SAMD3: variants seen among roughly 807,000 people sequenced by gnomAD.
The protein encoded by SAMD3 is sterile alpha motif domain containing 3.
SAMD3 carries 63 observed loss-of-function variants against 58.5 expected under a neutral mutation model. The observed-to-expected ratio is 1.08, with a 90% CI of 0.88 to 1.33. SAMD3 has a LOEUF of 1.33. Among genes scored for constraint, SAMD3 ranks in the 40% most tolerant of loss-of-function variants. The pLI, the probability that SAMD3 is intolerant of heterozygous loss-of-function variation, is 0.00. For synonymous variants in SAMD3, 220 were observed against 210.3 expected (o/e 1.05, Z -0.40); for missense variants, 604 against 608.4 (o/e 0.99, Z 0.08).
At chr6:130,204,169 T>C (rs1794871396) in intron 5 of SAMD3, among the ~76,000 whole-genome samples, 1 of 152,140 alleles carries the variant, frequency 6.6e-6, no homozygotes, top group Admixed American at 6.5e-5. Context: ...AAAGTTCAGG[T>C]GAGAAGCCTT....
At chr6:130,275,067 T>C (rs1393829607) in intron 2 of SAMD3, among the ~76,000 whole-genome samples, 2 of 152,168 alleles carry the variant, frequency 1.3e-5, no homozygotes, top group East Asian at 3.9e-4. Context: ...AAATATACAT[T>C]TTGATAAGAT....
intron 7 of SAMD3, among the ~76,000 whole-genome samples, chr6:130,182,080 A>C (rs1792398198): frequency 2.0e-5 from 3 of 151,912 alleles, no homozygotes; most frequent in Admixed American, 1.3e-4. Context: ...AAAAAAAAAA[A>C]AAAAAAACCA....
intron 1 of SAMD3, among the ~76,000 whole-genome samples, chr6:130,360,182 T>A (rs528014431): frequency 2.0e-5 from 3 of 152,366 alleles, no homozygotes; most frequent in African/African-American, 7.2e-5. Context: ...ATCCCCAGTG[T>A]CAAAACTCAT....
At chr6:130,204,553 C>T (rs887075763) in intron 5 of SAMD3, among the ~76,000 whole-genome samples, 9 of 150,658 alleles carry the variant, frequency 6.0e-5, no homozygotes, top group Non-Finnish European at 5.9e-5. Context: ...GCTGAGATAG[C>T]GCCACTGCAC....
intron 8 of SAMD3, among the ~76,000 whole-genome samples, chr6:130,157,887 GATAA>G (rs1380481801): frequency 1.2e-4 from 18 of 150,980 alleles, no homozygotes; most frequent in African/African-American, 3.9e-4. Flanking sequence ...CTGAATACAA[GATAA>G]ATATTCTAAC....
chr6:130,221,102 C>T (rs924838039), intron 1 of SAMD3, among the ~76,000 whole-genome samples: 3 of 152,122 alleles, frequency 2.0e-5, no homozygotes, highest in African/African-American at 7.2e-5. Flanking sequence ...GATCTGCCCA[C>T]CTTGGCCTCC....
At chr6:130,244,476 GCC>G (rs2114899281) in intron 2 of SAMD3, among the ~76,000 whole-genome samples, 1 of 152,176 alleles carries the variant, frequency 6.6e-6, no homozygotes, top group African/African-American at 2.4e-5. Context: ...TGGTGGCCCA[GCC>G]TTGTAATCCC....
downstream of SAMD3, chr6:130,143,728 C>T (rs1487606071): frequency 1.3e-5 from 2 of 152,164 alleles, no homozygotes; most frequent in Non-Finnish European, 2.9e-5. Context: ...CATCAAGGGG[C>T]ACCTTAAACT....
intron 1 of SAMD3, among the ~76,000 whole-genome samples, chr6:130,357,118 CTTTTTTTTTTTTT>C (rs1169066063): frequency 1.1e-5 from 1 of 91,712 alleles, no homozygotes; most frequent in Non-Finnish European, 2.0e-5. Context: ...GCCATGGCAT[CTTTTTTTTTTTTT>C]TTTTTTTTTT....
At chr6:130,337,611 G>A (rs952996499) in intron 1 of SAMD3, among the ~76,000 whole-genome samples, 10 of 152,180 alleles carry the variant, frequency 6.6e-5, no homozygotes, top group Admixed American at 2.0e-4. Flanking sequence ...GGGAAGTTTG[G>A]AACTTCTTAG....
chr6:130,299,444 A>C (rs1489865081), intron 2 of SAMD3, among the ~76,000 whole-genome samples: 1 of 152,196 alleles, frequency 6.6e-6, no homozygotes, highest in Admixed American at 6.5e-5. Flanking sequence ...AACACACCAA[A>C]ATCTCTGGGA....
At chr6:130,361,117 C>T (rs12192053) in intron 1 of SAMD3, among the ~76,000 whole-genome samples, 18 of 151,766 alleles carry the variant, frequency 1.2e-4, no homozygotes, top group African/African-American at 1.7e-4. Context: ...CCTCAGCTTA[C>T]GAGATGACAG....
chr6:130,152,554 G>A (rs1489495714), intron 9 of SAMD3, among the ~76,000 whole-genome samples: 5 of 151,992 alleles, frequency 3.3e-5, no homozygotes, highest in South Asian at 2.1e-4. Flanking sequence ...GCGTGCATCC[G>A]TAGTCCCAGC....
intron 2 of SAMD3, among the ~76,000 whole-genome samples, chr6:130,228,334 G>T (rs889238553): frequency 6.6e-6 from 1 of 152,116 alleles, no homozygotes; most frequent in African/African-American, 2.4e-5. Flanking sequence ...TGTTTAACCC[G>T]TTGTGCATTA....
At chr6:130,183,305 C>G (rs1439547135) in intron 7 of SAMD3, 2 of 438,872 alleles carry the variant, frequency 4.6e-6, no homozygotes, top group Non-Finnish European at 4.5e-6. Flanking sequence ...CCACTATACT[C>G]CAGCCTGAGT....
At chr6:130,162,871 T>C (rs1790392969) in intron 8 of SAMD3, among the ~76,000 whole-genome samples, 1 of 152,226 alleles carries the variant, frequency 6.6e-6, no homozygotes, top group African/African-American at 2.4e-5. Flanking sequence ...ACTAGCCACA[T>C]GTGGCTTCTG....
intron 2 of SAMD3, among the ~76,000 whole-genome samples, chr6:130,247,708 A>C (rs1773599364): frequency 6.6e-6 from 1 of 152,208 alleles, no homozygotes; most frequent in African/African-American, 2.4e-5. Context: ...ATTGTCTGAA[A>C]TATATCTCAG....
intron 2 of SAMD3, among the ~76,000 whole-genome samples, chr6:130,281,722 C>T (rs1447491914): frequency 1.3e-5 from 2 of 152,026 alleles, no homozygotes; most frequent in Non-Finnish European, 2.9e-5. Context: ...AGTTTGAGAC[C>T]AGCCTGGGCA....
chr6:130,153,884 T>C (rs569580493), intron 9 of SAMD3, among the ~76,000 whole-genome samples: 42 of 151,632 alleles, frequency 2.8e-4, no homozygotes, highest in African/African-American at 8.9e-4. Context: ...ACCAGGTTGC[T>C]GAGGCGGGTC....
Sources: gnomAD v4.1 joint callset for allele counts (sites outside exome capture counted in the v4.1 genomes callset) on GRCh38, gnomAD v4.1.1 for gene constraint, MANE v1.5 for transcripts, NCBI Gene and HGNC (gene_info 2026-07-23, HGNC 2026-07-21) for gene names.